The following MGAT4C variants were observed in gnomAD, a reference collection of about 807,000 sequenced individuals.
The protein encoded by MGAT4C is MGAT4 family member C, also known as alpha-1,3-mannosyl-glycoprotein 4-beta-N-acetylglucosaminyltransferase C.
MGAT4C carries 19 observed loss-of-function variants against 40.1 expected under a neutral mutation model. The ratio of observed to expected loss-of-function variants is 0.47; its 90% CI spans 0.33 to 0.70. MGAT4C has a LOEUF of 0.70. MGAT4C is among the 30% of genes least tolerant of loss of function. MGAT4C has a pLI of 0.02. For missense variants in MGAT4C, 491 were observed against 563.2 expected, an observed-to-expected ratio of 0.87 and a Z score of 1.30; for synonymous variants, 181 against 187.1, an observed-to-expected ratio of 0.97 and a Z score of 0.27.
intron 2 of MGAT4C, among the ~76,000 whole-genome samples, chr12:86,566,531 CATATATATATATATATATATAT>C (rs71078910): frequency 0.011 from 434 of 39,878 alleles, 16 homozygotes; most frequent in African/African-American, 0.025. Flanking sequence ...AACTCATATA[CATATATATATATATATATATAT>C]ATATATATAT....
At chr12:86,685,177 C>T (rs1565924358) in intron 2 of MGAT4C, among the ~76,000 whole-genome samples, 3 of 151,918 alleles carry the variant, frequency 2.0e-5, no homozygotes, top group Non-Finnish European at 4.4e-5. Context: ...AGATCTTATG[C>T]TTAAGTCTTT....
intron 2 of MGAT4C, among the ~76,000 whole-genome samples, chr12:86,725,332 A>G (rs1222709168): frequency 6.6e-6 from 1 of 152,194 alleles, no homozygotes; most frequent in Non-Finnish European, 1.5e-5. Context: ...AGAATATCAC[A>G]TCCTTAGCCT....
intron 2 of MGAT4C, among the ~76,000 whole-genome samples, chr12:86,539,022 CTTT>C (rs933889531): frequency 6.6e-6 from 1 of 151,794 alleles, no homozygotes; most frequent in Admixed American, 6.6e-5. Context: ...ATTCTAAAAA[CTTT>C]TTTTTAATTA....
At chr12:86,398,688 CT>C (rs1226834417) in intron 3 of MGAT4C, among the ~76,000 whole-genome samples, 1 of 151,838 alleles carries the variant, frequency 6.6e-6, no homozygotes, top group Non-Finnish European at 1.5e-5. Flanking sequence ...TCCTGCCCGT[CT>C]TTTACTTGCT....
chr12:86,768,585 G>A (rs1951562827), intron 1 of MGAT4C, among the ~76,000 whole-genome samples: 1 of 151,576 alleles, frequency 6.6e-6, no homozygotes. Flanking sequence ...AAAGAACAAA[G>A]CTGGAGGCAT....
intron 1 of MGAT4C, among the ~76,000 whole-genome samples, chr12:86,773,942 C>CTTTTTTTTTTTTTTT: frequency 9.4e-6 from 1 of 106,520 alleles, no homozygotes; most frequent in Non-Finnish European, 1.9e-5. Context: ...TTTAAAGTAA[C>CTTTTTTTTTTTTTTT]TTCTTTTTTT....
intron 2 of MGAT4C, among the ~76,000 whole-genome samples, chr12:86,607,416 TAA>T (rs1258947230): frequency 6.6e-6 from 1 of 152,148 alleles, no homozygotes; most frequent in Non-Finnish European, 1.5e-5. Flanking sequence ...ATAACAGAAT[TAA>T]AGTTACTCCT....
chr12:86,776,725 G>A (rs1260851207), intron 1 of MGAT4C, among the ~76,000 whole-genome samples: 1 of 151,830 alleles, frequency 6.6e-6, no homozygotes, highest in Non-Finnish European at 1.5e-5. Flanking sequence ...ATTATTGTGA[G>A]TAATAATTGG....
chr12:86,817,967 A>G (rs1392782021), intron 1 of MGAT4C, among the ~76,000 whole-genome samples: 1 of 151,452 alleles, frequency 6.6e-6, no homozygotes, highest in East Asian at 1.9e-4. Flanking sequence ...CAAACAAGAC[A>G]ATACATAAAT....
chr12:86,074,020 G>A (rs1410991830), intron 1 of MGAT4C, among the ~76,000 whole-genome samples: 2 of 152,154 alleles, frequency 1.3e-5, no homozygotes, highest in Non-Finnish European at 2.9e-5. Context: ...TGTCATGGGA[G>A]GGATCGGGGG....
At chr12:85,982,135 T>C (rs867682672) in intron 4 of MGAT4C, among the ~76,000 whole-genome samples, 4 of 152,224 alleles carry the variant, frequency 2.6e-5, no homozygotes, top group African/African-American at 9.6e-5. Context: ...TTTATTAAGA[T>C]CATGATAGCA....
Position 86,059,170 on chromosome 12 carries a change from C to T in MGAT4C, c.-56-9447G>A, listed in dbSNP as rs562454990. On this transcript the variant is annotated intron_variant, in intron 1 of 4. Coordinates refer to ENST00000611864, the MANE Select transcript of MGAT4C (RefSeq NM_001351288.2). ...GGCAATTCTTGTGTGCCTTGGCTGA[C>T]TGAGTAGCTGTGATTACAGGTGCCT... is the stretch of plus-strand genomic sequence containing the variant. Among the ~76,000 whole-genome samples, 4 of 152,202 alleles carry T rather than the reference C, an allele frequency of 2.6e-5. No homozygotes were observed. In the East Asian group the frequency reaches 5.8e-4, roughly 22 times the overall value.
intron 2 of MGAT4C, among the ~76,000 whole-genome samples, chr12:86,665,899 T>C (rs543922174): frequency 6.6e-6 from 1 of 152,272 alleles, no homozygotes; most frequent in East Asian, 1.9e-4. Flanking sequence ...AAAAGAAAAC[T>C]ATTGAAATAG....
chr12:86,758,307 A>C (rs1489197969), intron 1 of MGAT4C, among the ~76,000 whole-genome samples: 1 of 152,066 alleles, frequency 6.6e-6, no homozygotes, highest in Non-Finnish European at 1.5e-5. Context: ...AAGATGAATC[A>C]AAGGAATTTT....
At chr12:86,449,443 G>T (rs763343074) in intron 2 of MGAT4C, among the ~76,000 whole-genome samples, 1 of 152,072 alleles carries the variant, frequency 6.6e-6, no homozygotes, top group Non-Finnish European at 1.5e-5. Context: ...AAGGTAATGT[G>T]CACAACTCTT....
chr12:86,081,151 GATA>G lies in MGAT4C; in HGVS notation c.-56-31431_-56-31429del, dbSNP rs1238080272. On this transcript the variant is annotated intron_variant, in intron 1 of 4. Coordinates refer to ENST00000611864, the MANE Select transcript of MGAT4C (RefSeq NM_001351288.2). Reference sequence around the variant, plus strand: ...TAAGGAAACAAACATGGTTATTGTGGATAATAAAACAATAGTAGTGAAATATAA... The same window carrying G: ...TAAGGAAACAAACATGGTTATTGTGGATAAAACAATAGTAGTGAAATATAA... Among the ~76,000 whole-genome samples, 4 of 152,158 alleles carry G rather than the reference GATA, an allele frequency of 2.6e-5. No homozygotes were observed. In the East Asian group the frequency reaches 5.8e-4, roughly 22 times the overall value.
At chr12:86,058,881 T>C (rs971599104) in intron 1 of MGAT4C, among the ~76,000 whole-genome samples, 1 of 152,146 alleles carries the variant, frequency 6.6e-6, no homozygotes, top group Non-Finnish European at 1.5e-5. Flanking sequence ...ATCTTACTAA[T>C]CAATGGTCTT....
At chr12:86,823,397 T>C (rs1040040145) in intron 1 of MGAT4C, among the ~76,000 whole-genome samples, 4 of 151,292 alleles carry the variant, frequency 2.6e-5, no homozygotes, top group Non-Finnish European at 5.9e-5. Flanking sequence ...ATTTGCCAAA[T>C]AATTTCCATG....
At chr12:86,269,195 T>A (rs1952880471) in intron 4 of MGAT4C, among the ~76,000 whole-genome samples, 1 of 150,856 alleles carries the variant, frequency 6.6e-6, no homozygotes, top group Non-Finnish European at 1.5e-5. Flanking sequence ...CACAAAGTTG[T>A]TATAATTATA....
Sources: gnomAD v4.1 joint callset for allele counts (sites outside exome capture counted in the v4.1 genomes callset) on GRCh38, gnomAD v4.1.1 for gene constraint, MANE v1.5 for transcripts, NCBI Gene and HGNC (gene_info 2026-07-23, HGNC 2026-07-21) for gene names.